The following DNAH8 variants were observed in gnomAD, a reference collection of about 807,000 sequenced individuals.
The protein encoded by DNAH8 is axonemal beta dynein heavy chain 8.
Under a neutral mutation model 562.1 loss-of-function variants are expected in DNAH8, and 382 were observed. The observed-to-expected ratio is 0.68, with a 90% CI of 0.63 to 0.74. The LOEUF (loss-of-function observed/expected upper bound fraction) is 0.74, where lower values mean the gene tolerates loss of function less well. Ranked by LOEUF, DNAH8 falls within the 30% of genes least tolerant of loss-of-function variation. DNAH8 has a pLI of 0.00. For synonymous variants in DNAH8, 1,881 were observed against 1,919.4 expected, an observed-to-expected ratio of 0.98 and a Z score of 0.52; for missense variants, 5,203 against 5,620.4, an observed-to-expected ratio of 0.93 and a Z score of 2.37.
intron 10 of DNAH8, among the ~76,000 whole-genome samples, chr6:38,758,169 G>T (rs1238440633): frequency 6.6e-6 from 1 of 152,182 alleles, no homozygotes; most frequent in South Asian, 2.1e-4. Flanking sequence ...AGCATGGAAT[G>T]TTCTTCCATT....
At chr6:39,018,490 C>T (rs2150784479) in intron 91 of DNAH8, among the ~76,000 whole-genome samples, 1 of 152,310 alleles carries the variant, frequency 6.6e-6, no homozygotes, top group Admixed American at 6.5e-5. Context: ...CTGTCCTTGG[C>T]CTCGGCCCCC....
At chr6:38,864,212 C>A in intron 45 of DNAH8, 152 bp downstream of exon 45, 2 of 739,682 alleles carry the variant, frequency 2.7e-6, no homozygotes, top group Non-Finnish European at 4.2e-6. Flanking sequence ...CATTATAACC[C>A]AGACAGAAGA....
intron 82 of DNAH8, among the ~76,000 whole-genome samples, chr6:38,954,007 A>G (rs532339767): frequency 1.3e-5 from 2 of 152,324 alleles, no homozygotes; most frequent in Admixed American, 1.3e-4. Flanking sequence ...TGAATGAATT[A>G]ACCAGCTACC....
chr6:38,855,814 C>T (rs995256757), intron 41 of DNAH8, among the ~76,000 whole-genome samples: 5 of 152,126 alleles, frequency 3.3e-5, no homozygotes, highest in African/African-American at 9.7e-5. Context: ...AGGTAAGCGG[C>T]GGGCAAGTGA....
In DNAH8 at chr6:38,938,040, T is replaced by G; in HGVS notation, c.11630T>G (p.Val3877Gly). Residue 3877 changes from valine (V) to glycine (G), a missense_variant, in exon 78 of 93, where the codon GTA becomes GGA. By Grantham distance (109) the Val-to-Gly change is moderately radical. Coordinates refer to ENST00000327475, the MANE Select transcript of DNAH8 (RefSeq NM_001206927.2). ...ACTACCAAGCAGACAGCAGCTGAGG[T>G]AAGTGAAAAGTTGCATGTGGCTGCA... ...LRTTKQTAAE[V>G]SEKLHVAAET... 1 of 1,613,982 alleles carries G rather than the reference T, an allele frequency of 6.2e-7. No homozygotes were observed. Among genetic ancestry groups the G allele is most frequent in the Non-Finnish European group, 8.5e-7 (1 of 1,179,998 alleles).
chr6:38,980,991 T>C (rs1481597885), intron 85 of DNAH8, among the ~76,000 whole-genome samples: 2 of 151,294 alleles, frequency 1.3e-5, no homozygotes, highest in African/African-American at 4.9e-5. Context: ...ATGGAACAGC[T>C]GCAGCAAGAA....
chr6:38,970,719 A>C (rs924819700), intron 82 of DNAH8, among the ~76,000 whole-genome samples: 2 of 152,138 alleles, frequency 1.3e-5, no homozygotes, highest in Non-Finnish European at 2.9e-5. Context: ...ACACTGGTTC[A>C]CAATGTCTCC....
At chr6:38,888,052 T>A (rs939380187) in intron 57 of DNAH8, among the ~76,000 whole-genome samples, 6 of 151,828 alleles carry the variant, frequency 4.0e-5, no homozygotes, top group Admixed American at 2.0e-4. Flanking sequence ...TTGACAGGGT[T>A]GGTCTCGAAC....
At chr6:38,809,485 GA>G (rs1034313930) in intron 24 of DNAH8, among the ~76,000 whole-genome samples, 4 of 152,108 alleles carry the variant, frequency 2.6e-5, no homozygotes, top group African/African-American at 7.2e-5. Flanking sequence ...AAAAGTTGTT[GA>G]AAAATCAACT....
chr6:38,797,636 A>ACGC (rs1554213565), intron 21 of DNAH8, among the ~76,000 whole-genome samples: 1 of 152,174 alleles, frequency 6.6e-6, no homozygotes, highest in African/African-American at 2.4e-5. Context: ...CTCCTTTACT[A>ACGC]CGCCGCTGCA....
chr6:38,811,943 G>A lies in DNAH8; in HGVS notation c.3258-2111G>A, dbSNP rs182579533. On this transcript the variant is annotated intron_variant, in intron 24 of 92. Transcript: ENST00000327475. ...TGGCAGGTTTGGCTAGGGAGCACAC[G>A]GGTAGCCTAACTTAGTTACTTATCA... Among the ~76,000 whole-genome samples the A allele has an allele frequency of 2.4e-3, 365 of 152,230 alleles. 2 individuals carry two copies. The highest frequency in any genetic ancestry group is 8.1e-3 in the African/African-American group (338 of 41,544).
chr6:38,813,012 T>C (rs1378742369), intron 24 of DNAH8, among the ~76,000 whole-genome samples: 1 of 152,202 alleles, frequency 6.6e-6, no homozygotes, highest in Admixed American at 6.5e-5. Flanking sequence ...TGTTACTTAT[T>C]CTTACCTTTT....
intron 60 of DNAH8, among the ~76,000 whole-genome samples, chr6:38,896,598 C>CAA (rs1177942196): frequency 1.4e-5 from 2 of 143,160 alleles, no homozygotes; most frequent in Non-Finnish European, 1.6e-5. Flanking sequence ...AACAAACAAA[C>CAA]AAACAAACAA....
At chr6:38,914,877 T>C (rs1012566841) in intron 67 of DNAH8, among the ~76,000 whole-genome samples, 5 of 152,170 alleles carry the variant, frequency 3.3e-5, no homozygotes, top group African/African-American at 1.2e-4. Context: ...AAAATGGTTT[T>C]TTGCCCTTAT....
At chr6:38,915,853 T>TACAC (rs3047885) in intron 68 of DNAH8, among the ~76,000 whole-genome samples, 5 of 150,744 alleles carry the variant, frequency 3.3e-5, no homozygotes, top group Non-Finnish European at 5.9e-5. Flanking sequence ...CACACACACA[T>TACAC]ACACACACAC....
intron 70 of DNAH8, 137 bp from the exon 71 acceptor site, chr6:38,921,232 T>C: frequency 9.9e-7 from 1 of 1,006,088 alleles, no homozygotes; most frequent in African/African-American, 1.6e-5. Context: ...CGCTTTGCTT[T>C]CCCAGCTGAA....
intron 58 of DNAH8, among the ~76,000 whole-genome samples, chr6:38,892,366 A>G (rs919562472): frequency 6.6e-6 from 1 of 152,186 alleles, no homozygotes; most frequent in African/African-American, 2.4e-5. Flanking sequence ...CAAAGTTACC[A>G]TGTCCAAACA....
In DNAH8 at chr6:38,862,420, A is replaced by G. The variant is rs1457315275; in HGVS notation, c.6272A>G (p.Asp2091Gly). 1 of 1,613,818 alleles carries G rather than the reference A, an allele frequency of 6.2e-7. No homozygotes were observed. Among genetic ancestry groups the G allele is most frequent in the Non-Finnish European group, 8.5e-7 (1 of 1,179,900 alleles). ...GKYVVVFNCS[D>G]QMDFRGLGRI... ...TATGTGGTCGTGTTCAATTGCTCAG[A>G]TCAAATGGATTTCAGAGGCCTAGGA... Residue 2091 changes from aspartate (D) to glycine (G), a missense_variant, in exon 44 of 93, where the codon GAT (aspartate) becomes GGT (glycine). This residue lies in a region of DNAH8 where 2,176 missense variants were observed against 2,365.1 expected (regional missense o/e 0.92). Transcript: ENST00000327475.
At chr6:38,848,583 C>T (rs935853256) in intron 36 of DNAH8, 65 bp from the exon 37 acceptor site, 53 of 1,308,488 alleles carry the variant, frequency 4.1e-5, no homozygotes, top group Non-Finnish European at 5.7e-5. Flanking sequence ...GAATTTACTT[C>T]GGTAAGGCCA....
Sources: gnomAD v4.1 joint callset for allele counts (sites outside exome capture counted in the v4.1 genomes callset) on GRCh38, gnomAD v4.1.1 for gene constraint, gnomAD v4.1.1 regional missense constraint, MANE v1.5 for transcripts, NCBI Gene and HGNC (gene_info 2026-07-23, HGNC 2026-07-21) for gene names.